ROR1: variants seen among roughly 807,000 people sequenced by gnomAD.
The protein encoded by ROR1 is ROR family WNT receptor 1, also known as inactive tyrosine-protein kinase transmembrane receptor ROR1.
A neutral mutation model predicts 78.8 loss-of-function variants in ROR1; 19 were observed. That is an observed-to-expected ratio of 0.24 (90% confidence interval 0.17 to 0.35). The LOEUF (loss-of-function observed/expected upper bound fraction) is 0.35, where lower values mean the gene tolerates loss of function less well. ROR1 is among the 10% of genes least tolerant of loss of function. The pLI, the probability that ROR1 is intolerant of heterozygous loss-of-function variation, is 1.00. For synonymous variants in ROR1, 386 were observed against 433.6 expected (o/e 0.89, Z 1.36); for missense variants, 917 against 1,177.8 (o/e 0.78, Z 3.24).
chr1:64,144,703 T>C (rs951382455), intron 7 of ROR1, among the ~76,000 whole-genome samples: 2 of 152,240 alleles, frequency 1.3e-5, no homozygotes, highest in African/African-American at 4.8e-5. Context: ...GAATCATGAT[T>C]TTAACTCAGG....
Position 64,050,713 on chromosome 1 carries a change from A to G in ROR1, c.479A>G (p.Tyr160Cys). 3 of 1,613,390 alleles carry G rather than the reference A, an allele frequency of 1.9e-6. No homozygotes were observed. Among genetic ancestry groups the G allele is most frequent in the Non-Finnish European group, 2.5e-6 (3 of 1,179,608 alleles). Residue 160 changes from tyrosine to cysteine, a missense_variant, in exon 4 of 9, where the codon TAC becomes TGC. Physicochemically the swap from Tyr to Cys is radical, Grantham distance 194. This residue lies in a region of ROR1 where 835 missense variants were observed against 1,069.8 expected (regional missense o/e 0.78). Coordinates refer to ENST00000371079, the MANE Select transcript of ROR1 (RefSeq NM_005012.4). Reference sequence around the variant, plus strand: ...CCCCCTCCCACTGCAAGTCCAGGATACTCGTAAGTACTTTTATCTCCTTTC... The same window carrying G: ...CCCCCTCCCACTGCAAGTCCAGGATGCTCGTAAGTACTTTTATCTCCTTTC... ...FGPPPTASPG[Y>C]SDEYEEDGFC... is the part of the protein sequence containing the mutation.
intron 1 of ROR1, among the ~76,000 whole-genome samples, chr1:63,927,120 C>A (rs1438430405): frequency 6.6e-5 from 4 of 60,862 alleles, no homozygotes; most frequent in African/African-American, 1.4e-4. Context: ...AGTTTTTGTC[C>A]ATTCAGTATG....
At chr1:63,807,561 GGCTGTC>G (rs1443886450) in intron 1 of ROR1, among the ~76,000 whole-genome samples, 1 of 152,180 alleles carries the variant, frequency 6.6e-6, no homozygotes, top group East Asian at 1.9e-4. Flanking sequence ...AGCCATTTCT[GGCTGTC>G]CCAGGCTTTA....
chr1:64,081,569 G>A (rs1647101696), intron 4 of ROR1, among the ~76,000 whole-genome samples: 1 of 151,870 alleles, frequency 6.6e-6, no homozygotes, highest in African/African-American at 2.4e-5. Flanking sequence ...TTGGGCTCAG[G>A]AGTTCGAGAC....
At chr1:63,904,904 G>A (rs1412189853) in intron 1 of ROR1, among the ~76,000 whole-genome samples, 1 of 152,096 alleles carries the variant, frequency 6.6e-6, no homozygotes, top group Non-Finnish European at 1.5e-5. Flanking sequence ...GTGGCACTTG[G>A]TTATAGCAGC....
At chr1:64,092,055 C>T (rs60742540) in intron 4 of ROR1, among the ~76,000 whole-genome samples, 1 of 149,728 alleles carries the variant, frequency 6.7e-6, no homozygotes, top group Non-Finnish European at 1.5e-5. Context: ...TGGTGGGTGG[C>T]GGTAGTTGCC....
chr1:64,020,162 A>G (rs1273410683), intron 2 of ROR1, among the ~76,000 whole-genome samples: 2 of 152,216 alleles, frequency 1.3e-5, no homozygotes, highest in Non-Finnish European at 2.9e-5. Flanking sequence ...GTGAAAGAAT[A>G]AATTGCTGAT....
At chr1:64,123,187 A>G (rs2762838) in intron 4 of ROR1, among the ~76,000 whole-genome samples, 101,327 of 152,002 alleles carry the variant, frequency 0.67, 34,483 homozygotes, top group East Asian at 0.97. Flanking sequence ...AATAAAACAC[A>G]TTATAGAACT....
chr1:63,920,633 G>A (rs1327622147), intron 1 of ROR1, among the ~76,000 whole-genome samples: 3 of 152,104 alleles, frequency 2.0e-5, no homozygotes, highest in African/African-American at 4.8e-5. Context: ...TTTGCTTTTC[G>A]CTACTCTGCC....
intron 1 of ROR1, among the ~76,000 whole-genome samples, chr1:63,947,630 G>A (rs1645901093): frequency 6.6e-6 from 1 of 152,260 alleles, no homozygotes; most frequent in South Asian, 2.1e-4. Flanking sequence ...GTGGCCGGCG[G>A]GAGGTGATAG....
At chr1:63,976,150 T>C (rs1057469271) in intron 1 of ROR1, among the ~76,000 whole-genome samples, 12 of 152,100 alleles carry the variant, frequency 7.9e-5, no homozygotes, top group Non-Finnish European at 5.9e-5. Flanking sequence ...GATACACTAG[T>C]GGTAAAGCTA....
chr1:64,166,613 A>G (rs1476910837), intron 8 of ROR1, among the ~76,000 whole-genome samples: 1 of 152,124 alleles, frequency 6.6e-6, no homozygotes, highest in Non-Finnish European at 1.5e-5. Context: ...CTGTGCAAAC[A>G]TAGGATACTG....
intron 2 of ROR1, among the ~76,000 whole-genome samples, chr1:64,029,554 C>G (rs1646642787): frequency 6.6e-6 from 1 of 152,164 alleles, no homozygotes; most frequent in African/African-American, 2.4e-5. Flanking sequence ...AGTCCAAGAT[C>G]AAGGTCCAGC....
intron 1 of ROR1, among the ~76,000 whole-genome samples, chr1:63,852,601 T>G (rs1190090208): frequency 1.3e-5 from 2 of 152,212 alleles, no homozygotes; most frequent in African/African-American, 4.8e-5. Context: ...ATGATACAAA[T>G]TAATTGTCCA....
chr1:63,932,335 G>A (rs1404481477), intron 1 of ROR1, among the ~76,000 whole-genome samples: 1 of 152,128 alleles, frequency 6.6e-6, no homozygotes, highest in African/African-American at 2.4e-5. Flanking sequence ...CCCATTGTGT[G>A]CAGAAAGAGG....
Position 64,161,819 on chromosome 1 carries a change from T to A in ROR1, c.1386+2627T>A, listed in dbSNP as rs938995146. The stretch of plus-strand genomic sequence containing the variant: ...AACAACAAAAACAAATGCTAACTTT[T>A]TTTTTTCTTACACTTCTAAGGGACT... On this transcript the variant is annotated intron_variant, in intron 8 of 8. Coordinates refer to ENST00000371079, the MANE Select transcript of ROR1 (RefSeq NM_005012.4). Among the ~76,000 whole-genome samples the A allele has an allele frequency of 2.0e-5, 3 of 152,300 alleles. No homozygotes were observed. In the East Asian group the frequency reaches 5.8e-4, roughly 29 times the overall value.
At chr1:64,037,575 A>G (rs1646712492) in intron 2 of ROR1, among the ~76,000 whole-genome samples, 2 of 152,108 alleles carry the variant, frequency 1.3e-5, no homozygotes, top group South Asian at 4.2e-4. Context: ...CCGTGATGAA[A>G]AGATGCCTTG....
chr1:63,998,869 C>T (rs1463368546), intron 1 of ROR1, among the ~76,000 whole-genome samples: 5 of 152,132 alleles, frequency 3.3e-5, no homozygotes, highest in South Asian at 4.1e-4. Flanking sequence ...ATAATTGAAT[C>T]GTGGGGACGG....
chr1:63,908,933 G>A (rs1645548263), intron 1 of ROR1, among the ~76,000 whole-genome samples: 1 of 152,180 alleles, frequency 6.6e-6, no homozygotes, highest in African/African-American at 2.4e-5. Flanking sequence ...CATAGCTACT[G>A]ATACAATGCA....
Sources: allele counts gnomAD v4.1 joint callset (sites outside exome capture counted in the v4.1 genomes callset), GRCh38; gene constraint gnomAD v4.1.1; regional missense constraint gnomAD v4.1.1; transcripts MANE v1.5; gene names NCBI Gene and HGNC (gene_info 2026-07-23, HGNC 2026-07-21).